GPC6: variants seen among roughly 807,000 people sequenced by gnomAD.
GPC6 encodes glypican 6.
In GPC6, 14 loss-of-function variants were observed where a neutral mutation model predicts 55.2. The observed-to-expected ratio is 0.25, with a 90% CI of 0.17 to 0.40. The LOEUF (loss-of-function observed/expected upper bound fraction) is 0.40, where lower values mean the gene tolerates loss of function less well. Among genes scored for constraint, GPC6 ranks in the 10% least tolerant of loss-of-function variants. GPC6 has a pLI of 1.00. For synonymous variants in GPC6, 278 were observed against 259.6 expected (o/e 1.07, Z -0.68); for missense variants, 641 against 708.5 (o/e 0.90, Z 1.08).
intron 6 of GPC6, among the ~76,000 whole-genome samples, chr13:94,307,359 C>T (rs1241861315): frequency 6.6e-6 from 1 of 152,116 alleles, no homozygotes; most frequent in Non-Finnish European, 1.5e-5. Flanking sequence ...CACTCTGCCC[C>T]AGGCTGGAGT....
At chr13:93,846,147 A>G (rs1888171287) in intron 3 of GPC6, among the ~76,000 whole-genome samples, 1 of 152,126 alleles carries the variant, frequency 6.6e-6, no homozygotes. Context: ...AAATGTACCA[A>G]AATGTATAGC....
chr13:93,472,457 G>A (rs917176858), intron 1 of GPC6, among the ~76,000 whole-genome samples: 1 of 152,220 alleles, frequency 6.6e-6, no homozygotes, highest in African/African-American at 2.4e-5. Flanking sequence ...GGCTGCTGCA[G>A]TAGAGTGGGC....
chr13:94,284,276 A>G (rs1335806512), intron 4 of GPC6, among the ~76,000 whole-genome samples: 1 of 152,050 alleles, frequency 6.6e-6, no homozygotes, highest in Non-Finnish European at 1.5e-5. Flanking sequence ...CTGCTTTGTC[A>G]CCTCATCATG....
chr13:93,833,778 A>G (rs1887624346), intron 3 of GPC6, among the ~76,000 whole-genome samples: 1 of 152,204 alleles, frequency 6.6e-6, no homozygotes, highest in Non-Finnish European at 1.5e-5. Context: ...AATTGTAAGC[A>G]TCAACAGAAT....
intron 3 of GPC6, among the ~76,000 whole-genome samples, chr13:93,907,510 G>A (rs1001470477): frequency 1.1e-4 from 17 of 151,964 alleles, no homozygotes; most frequent in African/African-American, 2.9e-4. Context: ...TTTTGTGACC[G>A]ATTGTTTTTA....
rs10714044 is a variant in GPC6 at position 93,340,026 on chromosome 13, C to CTTTTTTTT, written c.160+112430_160+112437dup. Among the ~76,000 whole-genome samples the CTTTTTTTT allele has an allele frequency of 2.2e-4, 18 of 81,614 alleles. 1 individual carries two copies. Among genetic ancestry groups the CTTTTTTTT allele is most frequent in the South Asian group, 4.5e-4 (1 of 2,214 alleles). 53.5% of individuals were successfully genotyped at this position (81,614 alleles called of 152,430 possible). A position where few individuals can be genotyped will look rare whatever the true frequency, so the allele number is the denominator to read the frequency against. Reference sequence around the variant, plus strand: ...AAAAACAAAAACAAAAGTTTTCTTTCTTTTTTTTTTTTTTTTTTTTTTTTT... The same window carrying CTTTTTTTT: ...AAAAACAAAAACAAAAGTTTTCTTTCTTTTTTTTTTTTTTTTTTTTTTTTTTTTTTTTT... On this transcript the variant is annotated intron_variant, in intron 1 of 8. Transcript: ENST00000377047.
rs929794638 is a variant in GPC6, at chr13:93,227,684, G to C, written c.160+68G>C. 7.7e-7 allele frequency: 1 copy of C among 1,296,504 alleles called. No individual in the cohort carries two copies. The highest frequency in any genetic ancestry group is 2.5e-5 in the East Asian group (1 of 39,480). The allele number at this position is 1,296,504 out of a possible 1,614,324, so 80.3% of individuals were successfully genotyped here. ...TGCCGCACGTCCCACTGGCCGCCCG[G>C]CGTCCCCTTCCTTCCCCCTGTTGCT... is the stretch of plus-strand genomic sequence containing the variant. On this transcript the variant is annotated intron_variant, in intron 1 of 8. Transcript: ENST00000377047. The surrounding 1 kb of genome is among the most constrained non-coding windows in gnomAD (Gnocchi z 4.3).
At chr13:93,275,784 T>C (rs1774403825) in intron 1 of GPC6, among the ~76,000 whole-genome samples, 1 of 152,220 alleles carries the variant, frequency 6.6e-6, no homozygotes, top group African/African-American at 2.4e-5. Context: ...GTCCTATCTC[T>C]AAATACAGTC....
intron 2 of GPC6, among the ~76,000 whole-genome samples, chr13:93,645,841 C>T (rs891587080): frequency 1.3e-5 from 2 of 152,092 alleles, no homozygotes; most frequent in Admixed American, 1.3e-4. Flanking sequence ...AGTGTCTGTT[C>T]ATGAGAGTTC....
chr13:93,331,114 T>A (rs954855393), intron 1 of GPC6, among the ~76,000 whole-genome samples: 1 of 152,188 alleles, frequency 6.6e-6, no homozygotes, highest in Non-Finnish European at 1.5e-5. Context: ...TTCAGTCTTA[T>A]TTTTTATTCT....
intron 5 of GPC6, 114 bp from the exon 6 acceptor site, chr13:94,305,866 G>C: frequency 1.1e-6 from 1 of 943,234 alleles, no homozygotes; most frequent in South Asian, 1.3e-5. Context: ...AGAGTTTATT[G>C]GAGGTAAAAG....
intron 6 of GPC6, among the ~76,000 whole-genome samples, chr13:94,342,405 A>G (rs955821153): frequency 1.3e-5 from 2 of 152,194 alleles, no homozygotes; most frequent in African/African-American, 4.8e-5. Context: ...CAGAGGAGGC[A>G]CATACAGAGG....
chr13:93,855,344 T>C (rs1353054049), intron 3 of GPC6, among the ~76,000 whole-genome samples: 2 of 151,712 alleles, frequency 1.3e-5, no homozygotes, highest in African/African-American at 4.8e-5. Context: ...TCCGTGTCTC[T>C]TCATGGCCTG....
At chr13:93,878,272 A>T (rs188848222) in intron 3 of GPC6, among the ~76,000 whole-genome samples, 2 of 152,020 alleles carry the variant, frequency 1.3e-5, no homozygotes, top group African/African-American at 4.8e-5. Context: ...TTAGGCCATG[A>T]GGGTTCCACC....
intron 1 of GPC6, among the ~76,000 whole-genome samples, chr13:93,491,789 A>G (rs1442734455): frequency 7.7e-6 from 1 of 129,820 alleles, no homozygotes; most frequent in Non-Finnish European, 1.7e-5. Flanking sequence ...TCCTTTCCCC[A>G]TTGCTTATTT....
intron 2 of GPC6, among the ~76,000 whole-genome samples, chr13:93,829,813 A>G (rs1217373467): frequency 1.3e-5 from 2 of 152,226 alleles, no homozygotes; most frequent in Admixed American, 1.3e-4. Context: ...TCTGCACGTT[A>G]TATTTGCAAT....
intron 1 of GPC6, among the ~76,000 whole-genome samples, chr13:93,448,307 C>T (rs1238650410): frequency 6.6e-6 from 1 of 152,154 alleles, no homozygotes; most frequent in Admixed American, 6.5e-5. Flanking sequence ...ACATACTGCA[C>T]AGGTTTGTAG....
At chr13:93,660,382 T>A (rs1880872143) in intron 2 of GPC6, among the ~76,000 whole-genome samples, 1 of 152,178 alleles carries the variant, frequency 6.6e-6, no homozygotes, top group African/African-American at 2.4e-5. Context: ...CAGTAAATTA[T>A]GGATTAACAT....
chr13:93,669,692 G>C (rs1276143367), intron 2 of GPC6, among the ~76,000 whole-genome samples: 1 of 152,154 alleles, frequency 6.6e-6, no homozygotes, highest in East Asian at 1.9e-4. Context: ...ATGAAACAAT[G>C]AAAGGACATT....
Sources: gnomAD v4.1 joint callset for allele counts (sites outside exome capture counted in the v4.1 genomes callset) on GRCh38, gnomAD v4.1.1 for gene constraint, Gnocchi (gnomAD v3.1) non-coding constraint, MANE v1.5 for transcripts, NCBI Gene and HGNC (gene_info 2026-07-23, HGNC 2026-07-21) for gene names.